Variants in SYN3 observed in about 807,000 individuals in gnomAD.
SYN3 encodes synapsin III, also known as synapsin-3.
A neutral mutation model predicts 65.8 loss-of-function variants in SYN3; 35 were observed. The ratio of observed to expected loss-of-function variants is 0.53; its 90% CI spans 0.41 to 0.70. The LOEUF is 0.70. Among genes scored for constraint, SYN3 ranks in the 30% least tolerant of loss-of-function variants. The probability of loss-of-function intolerance (pLI) is 0.00; values close to 1 mark genes in which losing one functional copy is unlikely to be tolerated. For missense variants in SYN3, 680 were observed against 749.0 expected (o/e 0.91, Z 1.08); for synonymous variants, 270 against 292.9 (o/e 0.92, Z 0.80).
rs1178588258 is a variant in SYN3, at chr22:32,953,657, G to T, written c.370-22176C>A. 3.9e-5 allele frequency among the ~76,000 whole-genome samples: 6 copies of T among 152,216 alleles called. No homozygotes were observed. In the South Asian group the frequency reaches 1.2e-3, roughly 32 times the overall value. ...TGGAACAGGGCTAGTAAGGTGGTCA[G>T]GAAAGAAGATGAGATCAGAGAGGGG... On this transcript the variant is annotated intron_variant, in intron 3 of 13. Transcript: ENST00000358763.
intron 6 of SYN3, among the ~76,000 whole-genome samples, chr22:32,797,175 AC>A (rs2145906333): frequency 1.3e-5 from 2 of 152,256 alleles, no homozygotes; most frequent in South Asian, 4.1e-4. Context: ...GCCCCCTAGC[AC>A]CAGCCAGCGG....
intron 10 of SYN3, among the ~76,000 whole-genome samples, chr22:32,532,410 C>A (rs1472690756): frequency 3.3e-5 from 5 of 152,298 alleles, no homozygotes; most frequent in African/African-American, 7.2e-5. Flanking sequence ...GTTCCCAGCC[C>A]CTTCCATGGC....
rs73881802 is a variant in SYN3 at position 32,786,914 on chromosome 22, T to G, written c.711+78001A>C. On this transcript the variant is annotated intron_variant, in intron 6 of 13. Transcript: ENST00000358763. ...GGGAATGGGAGGCTGGGGCAGACTC[T>G]GGGGGCTGGAAGGACCAGGTTTCAT... Among the ~76,000 whole-genome samples the G allele has an allele frequency of 9.8e-3, 1,496 of 152,124 alleles. 34 individuals carry two copies. Among genetic ancestry groups the G allele is most frequent in the African/African-American group, 0.035 (1,456 of 41,500 alleles).
At chr22:33,055,405 C>G (rs560454293) in intron 1 of SYN3, among the ~76,000 whole-genome samples, 60 of 152,342 alleles carry the variant, frequency 3.9e-4, no homozygotes, top group Middle Eastern at 3.4e-3. Flanking sequence ...CTCTCTGCCT[C>G]TTGATCTTGG....
chr22:33,022,522 T>TATCA (rs1333110554), intron 1 of SYN3, among the ~76,000 whole-genome samples: 4 of 152,194 alleles, frequency 2.6e-5, no homozygotes, highest in Non-Finnish European at 5.9e-5. Context: ...CTGTCTTTGA[T>TATCA]GAGTTCAAAT....
chr22:32,687,858 T>C (rs2060612102), intron 6 of SYN3, among the ~76,000 whole-genome samples: 2 of 152,320 alleles, frequency 1.3e-5, no homozygotes, highest in Admixed American at 6.5e-5. Context: ...CTAAGTGCCA[T>C]GTAAGTGTCG....
At chr22:32,803,236 A>G (rs145690638) in intron 6 of SYN3, among the ~76,000 whole-genome samples, 4 of 152,064 alleles carry the variant, frequency 2.6e-5, no homozygotes, top group Admixed American at 2.0e-4. Context: ...AGAGGTGAAG[A>G]ATGGAGCGTG....
chr22:32,754,027 T>A (rs1341503897), intron 6 of SYN3, among the ~76,000 whole-genome samples: 1 of 152,218 alleles, frequency 6.6e-6, no homozygotes, highest in Admixed American at 6.5e-5. Flanking sequence ...TCCTTTCTCA[T>A]AACCACTCGA....
chr22:32,624,679 A>T lies in SYN3; in HGVS notation c.712-27943T>A, dbSNP rs116317550. On this transcript the variant is annotated intron_variant, in intron 6 of 13. Coordinates refer to ENST00000358763, the MANE Select transcript of SYN3 (RefSeq NM_003490.4). The stretch of plus-strand genomic sequence containing the variant: ...TGGGCTGGGCCTTTGGTCGCTGGGC[A>T]CCTGCTGGAAGGCACTGCCATGTGG... Among the ~76,000 whole-genome samples, 1,333 of 152,254 alleles carry T rather than the reference A, an allele frequency of 8.8e-3. 17 individuals are homozygous for T. The highest frequency in any genetic ancestry group is 0.031 in the African/African-American group (1,290 of 41,546).
At chr22:32,946,208 C>T (rs1325649447) in intron 3 of SYN3, among the ~76,000 whole-genome samples, 3 of 151,990 alleles carry the variant, frequency 2.0e-5, no homozygotes, top group African/African-American at 7.3e-5. Context: ...ACCCAAAGGA[C>T]TATAAATCAT....
At chr22:32,962,298 G>C (rs768285705) in intron 3 of SYN3, among the ~76,000 whole-genome samples, 1 of 151,902 alleles carries the variant, frequency 6.6e-6, no homozygotes, top group South Asian at 2.1e-4. Context: ...ACCTCACCCG[G>C]CTAATTTTTG....
chr22:32,853,067 C>G (rs2048267893), intron 6 of SYN3, among the ~76,000 whole-genome samples: 1 of 152,174 alleles, frequency 6.6e-6, no homozygotes, highest in African/African-American at 2.4e-5. Context: ...GAGCAGACCT[C>G]CAGGGACTTC....
intron 6 of SYN3, among the ~76,000 whole-genome samples, chr22:32,657,665 C>T (rs1569130943): frequency 6.6e-6 from 1 of 152,328 alleles, no homozygotes; most frequent in South Asian, 2.1e-4. Flanking sequence ...GCAGACTGTG[C>T]TCTCCGGAGC....
chr22:32,621,277 C>T (rs2059589531), intron 6 of SYN3, among the ~76,000 whole-genome samples: 1 of 148,520 alleles, frequency 6.7e-6, no homozygotes, highest in Non-Finnish European at 1.5e-5. Flanking sequence ...CCAGGTAAAG[C>T]TGGTCCTGGT....
At chr22:32,668,611 A>C (rs1034727422) in intron 6 of SYN3, among the ~76,000 whole-genome samples, 7 of 151,890 alleles carry the variant, frequency 4.6e-5, no homozygotes, top group Non-Finnish European at 2.9e-5. Context: ...TGGAAGCTGC[A>C]GGTATTTCAA....
At chr22:32,978,762 G>T (rs1244542817) in intron 3 of SYN3, among the ~76,000 whole-genome samples, 1 of 152,126 alleles carries the variant, frequency 6.6e-6, no homozygotes, top group Non-Finnish European at 1.5e-5. Context: ...AGCTCTCTGA[G>T]CCCAAGTTTC....
intron 9 of SYN3, among the ~76,000 whole-genome samples, chr22:32,537,538 A>G (rs2058185927): frequency 6.6e-6 from 1 of 152,190 alleles, no homozygotes; most frequent in Admixed American, 6.5e-5. Flanking sequence ...GAGCATCCCT[A>G]AAACATGCAT....
intron 6 of SYN3, among the ~76,000 whole-genome samples, chr22:32,656,094 G>A (rs1354695042): frequency 6.6e-6 from 1 of 152,238 alleles, no homozygotes; most frequent in Non-Finnish European, 1.5e-5. Flanking sequence ...ACAAAAACCA[G>A]TAAGTGTCCT....
intron 4 of SYN3, among the ~76,000 whole-genome samples, chr22:32,908,435 G>T (rs932741343): frequency 6.8e-6 from 1 of 146,474 alleles, no homozygotes; most frequent in Non-Finnish European, 1.5e-5. Context: ...GTATCACCCA[G>T]GCTGGGGTTC....
Sources: gnomAD v4.1 joint callset for allele counts (sites outside exome capture counted in the v4.1 genomes callset) on GRCh38, gnomAD v4.1.1 for gene constraint, MANE v1.5 for transcripts, NCBI Gene and HGNC (gene_info 2026-07-23, HGNC 2026-07-21) for gene names.